Variants in MEI4 observed in about 807,000 individuals in gnomAD.
MEI4 encodes the protein meiosis-specific protein MEI4.
MEI4 carries 27 observed loss-of-function variants against 31.4 expected under a neutral mutation model. That is an observed-to-expected ratio of 0.86 (90% CI 0.63 to 1.19). The LOEUF is 1.19. MEI4 is among the 50% of genes most tolerant of loss of function. MEI4 has a pLI of 0.00. For synonymous variants in MEI4, 122 were observed against 145.4 expected (o/e 0.84, Z 1.16); for missense variants, 329 against 398.9 (o/e 0.82, Z 1.49).
At chr6:77,752,000 C>G (rs1352659583) in intron 2 of MEI4, among the ~76,000 whole-genome samples, 2 of 152,146 alleles carry the variant, frequency 1.3e-5, no homozygotes, top group African/African-American at 2.4e-5. Context: ...ATCACATAAA[C>G]AGAACCAATG....
At chr6:77,704,663 T>G (rs1268516882) in intron 2 of MEI4, among the ~76,000 whole-genome samples, 1 of 152,130 alleles carries the variant, frequency 6.6e-6, no homozygotes, top group African/African-American at 2.4e-5. Flanking sequence ...CCCAGGTGAT[T>G]CTCATGAATA....
chr6:77,790,973 C>G (rs1190971304), intron 3 of MEI4, among the ~76,000 whole-genome samples: 1 of 152,074 alleles, frequency 6.6e-6, no homozygotes, highest in African/African-American at 2.4e-5. Flanking sequence ...AAATCAAAAC[C>G]ACAATGAGAT....
intron 2 of MEI4, among the ~76,000 whole-genome samples, chr6:77,741,189 A>G (rs941815651): frequency 4.6e-5 from 7 of 151,914 alleles, no homozygotes; most frequent in Non-Finnish European, 8.8e-5. Context: ...TCAGGAATTT[A>G]AAGTTGCTTG....
intron 4 of MEI4, among the ~76,000 whole-genome samples, chr6:77,865,004 G>A (rs1770979815): frequency 6.6e-6 from 1 of 152,090 alleles, no homozygotes; most frequent in Admixed American, 6.6e-5. Context: ...TGAAATGAAG[G>A]CAGAAGTAAA....
chr6:77,860,799 G>A (rs1434422343), intron 4 of MEI4, among the ~76,000 whole-genome samples: 1 of 152,084 alleles, frequency 6.6e-6, no homozygotes, highest in East Asian at 1.9e-4. Flanking sequence ...TCTATCGCTT[G>A]AATCACTGAA....
chr6:77,902,504 G>A (rs1377232820), intron 4 of MEI4, among the ~76,000 whole-genome samples: 1 of 152,064 alleles, frequency 6.6e-6, no homozygotes, highest in South Asian at 2.1e-4. Flanking sequence ...TGTGTGGCTA[G>A]TTCATTGTTA....
chr6:77,862,623 T>G (rs866161598), intron 4 of MEI4, among the ~76,000 whole-genome samples: 3 of 152,186 alleles, frequency 2.0e-5, no homozygotes, highest in Non-Finnish European at 2.9e-5. Context: ...GAGGCCTGCC[T>G]GCCTCTGTAG....
rs970437300 is a variant in MEI4 at position 77,895,178 on chromosome 6, G to C, written c.901-27911G>C. Among the ~76,000 whole-genome samples, 4 of 152,136 alleles carry C rather than the reference G, an allele frequency of 2.6e-5. No individual in the cohort carries two copies. The South Asian group carries it at 8.3e-4, about 31-fold the overall frequency. ...CAGAGATGTAAGTATAAATGTAAGT[G>C]ATTATAGTCCTCATGGATTCCAACA... On this transcript the variant is annotated intron_variant, in intron 4 of 4. Transcript: ENST00000684080.
rs9448128 is a variant in MEI4 at position 77,667,441 on chromosome 6, G to A, written c.-15+14349G>A. Among the ~76,000 whole-genome samples, 890 of 152,108 alleles carry A rather than the reference G, an allele frequency of 5.9e-3. 11 individuals carry two copies. The highest frequency in any genetic ancestry group is 0.02 in the African/African-American group (839 of 41,474). On this transcript the variant is annotated intron_variant, in intron 1 of 4. Coordinates refer to ENST00000684080, the MANE Select transcript of MEI4 (RefSeq NM_001322247.2). Reference sequence around the variant, plus strand: ...TACCATATACTTCATGAAACTTTCTGTGATTCCTTACCTGGAATTAATCAC... The same window carrying A: ...TACCATATACTTCATGAAACTTTCTATGATTCCTTACCTGGAATTAATCAC...
chr6:77,711,614 G>C (rs2127660067), intron 2 of MEI4, among the ~76,000 whole-genome samples: 1 of 152,278 alleles, frequency 6.6e-6, no homozygotes, highest in South Asian at 2.1e-4. Flanking sequence ...ATATTGGGAA[G>C]TGCTGCTGGC....
intron 4 of MEI4, among the ~76,000 whole-genome samples, chr6:77,919,229 A>T (rs1766641982): frequency 6.6e-6 from 1 of 152,072 alleles, no homozygotes; most frequent in Non-Finnish European, 1.5e-5. Flanking sequence ...CTATTCCAAA[A>T]TTGACCACAT....
chr6:77,655,443 T>A (rs1768376818), intron 1 of MEI4, among the ~76,000 whole-genome samples: 1 of 152,216 alleles, frequency 6.6e-6, no homozygotes, highest in South Asian at 2.1e-4. Flanking sequence ...ACATTTCTTC[T>A]TCCGTTATTT....
chr6:77,748,318 A>T (rs2127676496), intron 2 of MEI4, among the ~76,000 whole-genome samples: 1 of 152,338 alleles, frequency 6.6e-6, no homozygotes, highest in South Asian at 2.1e-4. Context: ...ACATCCTCTG[A>T]AATCTAGTCA....
intron 1 of MEI4, among the ~76,000 whole-genome samples, chr6:77,672,071 G>A (rs10943477): frequency 0.083 from 12,584 of 152,254 alleles, 712 homozygotes; most frequent in East Asian, 0.22. Flanking sequence ...GAAAACAACT[G>A]AAGTCAGCAG....
At chr6:77,652,832 G>T (rs1001469607), upstream of MEI4, among the ~76,000 whole-genome samples, 1 of 152,114 alleles carries the variant, frequency 6.6e-6, no homozygotes, top group African/African-American at 2.4e-5. Flanking sequence ...AAGGCCCATA[G>T]ACATCAAACA....
At chr6:77,841,333 A>ATATATTTT in intron 4 of MEI4, among the ~76,000 whole-genome samples, 23 of 27,740 alleles carry the variant, frequency 8.3e-4, no homozygotes, top group African/African-American at 2.0e-3. Context: ...ATATATATAT[A>ATATATTTT]TTTTTTTTTT....
intron 2 of MEI4, among the ~76,000 whole-genome samples, chr6:77,734,657 T>C (rs1430971056): frequency 6.6e-6 from 1 of 152,046 alleles, no homozygotes; most frequent in Non-Finnish European, 1.5e-5. Context: ...AATATTATTA[T>C]GTGTGAATTT....
At chr6:77,915,355 G>C (rs537070576) in intron 4 of MEI4, among the ~76,000 whole-genome samples, 2 of 152,030 alleles carry the variant, frequency 1.3e-5, no homozygotes, top group Admixed American at 6.6e-5. Context: ...GATTTTGCTT[G>C]TCTGGGAAAT....
intron 3 of MEI4, among the ~76,000 whole-genome samples, chr6:77,771,497 T>C (rs1036341292): frequency 7.9e-5 from 12 of 152,142 alleles, no homozygotes; most frequent in East Asian, 1.9e-4. Flanking sequence ...CATGTGTTCA[T>C]TGTAGCACTA....
Sources: gnomAD v4.1 joint callset for allele counts (sites outside exome capture counted in the v4.1 genomes callset) on GRCh38, gnomAD v4.1.1 for gene constraint, MANE v1.5 for transcripts, NCBI Gene and HGNC (gene_info 2026-07-23, HGNC 2026-07-21) for gene names.